The following XKR9 variants were observed in gnomAD, a reference collection of about 807,000 sequenced individuals.
The protein encoded by XKR9 is XK-related protein 9.
XKR9 carries 32 observed loss-of-function variants against 32.0 expected under a neutral mutation model. The ratio of observed to expected loss-of-function variants is 1.00; its 90% confidence interval spans 0.76 to 1.34. The LOEUF (loss-of-function observed/expected upper bound fraction) is 1.34, where lower values mean the gene tolerates loss of function less well. XKR9 is among the 40% of genes most tolerant of loss of function. The probability of loss-of-function intolerance (pLI) is 0.00; values close to 1 mark genes in which losing one functional copy is unlikely to be tolerated. For synonymous variants in XKR9, 168 were observed against 143.4 expected, an observed-to-expected ratio of 1.17 and a Z score of -1.22; for missense variants, 546 against 429.7, an observed-to-expected ratio of 1.27 and a Z score of -2.39.
the XKR9 span, among the ~76,000 whole-genome samples, chr8:71,031,389 A>G: frequency 6.6e-6 from 1 of 152,208 alleles, no homozygotes; most frequent in Admixed American, 6.5e-5. Context: ...GAAGACCACT[A>G]TGGTACCAGT....
At chr8:70,837,729 G>C in the XKR9 span, among the ~76,000 whole-genome samples, 5 of 152,060 alleles carry the variant, frequency 3.3e-5, no homozygotes, top group Non-Finnish European at 7.4e-5. Flanking sequence ...GTTACTCTTG[G>C]ATTTCACTGG....
At chr8:70,689,784 A>G (rs1469839061) in intron 3 of XKR9, among the ~76,000 whole-genome samples, 2 of 152,102 alleles carry the variant, frequency 1.3e-5, no homozygotes, top group East Asian at 3.9e-4. Context: ...AAGGTATAGT[A>G]TGCCACAATC....
At chr8:70,990,348 C>T in the XKR9 span, among the ~76,000 whole-genome samples, 1 of 152,128 alleles carries the variant, frequency 6.6e-6, no homozygotes, top group Non-Finnish European at 1.5e-5. Context: ...GACATGAAAA[C>T]ACAGGGAGAT....
chr8:70,750,012 G>A (rs1203878975), intron 2 of XKR9, among the ~76,000 whole-genome samples: 1 of 151,956 alleles, frequency 6.6e-6, no homozygotes, highest in African/African-American at 2.4e-5. Context: ...ATAAATGCGT[G>A]TGTGTGTGTG....
At chr8:70,911,602 T>C in the XKR9 span, among the ~76,000 whole-genome samples, 1 of 152,154 alleles carries the variant, frequency 6.6e-6, no homozygotes, top group African/African-American at 2.4e-5. Context: ...GTTTTGAAAA[T>C]AGAGTGGCGG....
At chr8:70,681,363 T>G in intron 3 of XKR9, 33 bp downstream of exon 3, 3 of 1,572,816 alleles carry the variant, frequency 1.9e-6, no homozygotes, top group Non-Finnish European at 2.6e-6. Context: ...TACCACTGTT[T>G]TTCTTTTTCC....
chr8:70,876,820 G>T, the XKR9 span, among the ~76,000 whole-genome samples: 2 of 152,034 alleles, frequency 1.3e-5, no homozygotes, highest in African/African-American at 4.8e-5. Flanking sequence ...GTGTGTGTGT[G>T]TTTTTAATTA....
chr8:70,814,058 A>G, the XKR9 span, among the ~76,000 whole-genome samples: 11 of 152,284 alleles, frequency 7.2e-5, no homozygotes, highest in Non-Finnish European at 1.2e-4. Flanking sequence ...GTCCAACAAC[A>G]ATAGTCTGGA....
chr8:71,030,713 C>T, the XKR9 span, among the ~76,000 whole-genome samples: 1 of 152,118 alleles, frequency 6.6e-6, no homozygotes, highest in Non-Finnish European at 1.5e-5. Flanking sequence ...AGTAGGTGGA[C>T]ATGGAGGAGA....
At chr8:70,915,383 T>C in the XKR9 span, among the ~76,000 whole-genome samples, 2 of 152,148 alleles carry the variant, frequency 1.3e-5, no homozygotes, top group East Asian at 1.9e-4. Flanking sequence ...TATTATCATC[T>C]TAGTTTCAAA....
chr8:70,892,835 C>G, the XKR9 span, among the ~76,000 whole-genome samples: 3 of 152,084 alleles, frequency 2.0e-5, no homozygotes, highest in Non-Finnish European at 2.9e-5. Flanking sequence ...GGGGTTGAAT[C>G]TATTTGAGGA....
rs535210998 is a variant in XKR9 at position 70,704,368 on chromosome 8, T to G, written c.273-2565T>G. 5.3e-5 allele frequency among the ~76,000 whole-genome samples: 8 copies of G among 152,318 alleles called. No individual in the cohort carries two copies. The East Asian group carries it at 1.3e-3, about 26-fold the overall frequency. ...AGAAAATATTTCTACCTAAAGACAC[T>G]GGACATTAAAATGTGTACATTTGTA... is the stretch of plus-strand genomic sequence containing the variant. On this transcript the variant is annotated intron_variant, in intron 3 of 4. Coordinates refer to ENST00000408926, the MANE Select transcript of XKR9 (RefSeq NM_001011720.2).
the XKR9 span, among the ~76,000 whole-genome samples, chr8:70,889,964 A>T: frequency 4.6e-5 from 7 of 152,180 alleles, no homozygotes; most frequent in African/African-American, 1.7e-4. Flanking sequence ...GTTGAATGGT[A>T]GTTCTGTTTT....
chr8:70,874,081 G>T, the XKR9 span, among the ~76,000 whole-genome samples: 5 of 152,132 alleles, frequency 3.3e-5, no homozygotes, highest in African/African-American at 1.2e-4. Flanking sequence ...TTAAATTAAG[G>T]TATGTACTCT....
chr8:70,707,488 G>A (rs1330607288), intron 4 of XKR9, among the ~76,000 whole-genome samples: 2 of 151,632 alleles, frequency 1.3e-5, no homozygotes, highest in African/African-American at 4.8e-5. Flanking sequence ...GTATATCTTG[G>A]AGATCTGTTC....
At chr8:70,834,202 A>G in the XKR9 span, among the ~76,000 whole-genome samples, 1 of 152,088 alleles carries the variant, frequency 6.6e-6, no homozygotes, top group African/African-American at 2.4e-5. Flanking sequence ...TAAAAATTTT[A>G]TCTGATATAT....
chr8:71,055,068 A>G, the XKR9 span, among the ~76,000 whole-genome samples: 1 of 152,228 alleles, frequency 6.6e-6, no homozygotes, highest in Non-Finnish European at 1.5e-5. Flanking sequence ...CAGCCTAACA[A>G]ATAGGAAAGA....
chr8:71,007,501 A>G, the XKR9 span, among the ~76,000 whole-genome samples: 2 of 152,334 alleles, frequency 1.3e-5, no homozygotes, highest in South Asian at 2.1e-4. Context: ...ATAACAGACT[A>G]TTTTTAAAAA....
At chr8:70,779,295 T>G (rs1807580102) in intron 2 of XKR9, among the ~76,000 whole-genome samples, 1 of 152,242 alleles carries the variant, frequency 6.6e-6, no homozygotes, top group Non-Finnish European at 1.5e-5. Flanking sequence ...ATATCAGGGA[T>G]GAAGCCAACT....
Sources: gnomAD v4.1 joint callset for allele counts (sites outside exome capture counted in the v4.1 genomes callset) on GRCh38, gnomAD v4.1.1 for gene constraint, MANE v1.5 for transcripts, NCBI Gene and HGNC (gene_info 2026-07-23, HGNC 2026-07-21) for gene names.